The following FAM161A variants were observed in gnomAD, a reference collection of about 807,000 sequenced individuals.
FAM161A encodes the protein FAM161 centrosomal protein A.
A neutral mutation model predicts 70.9 loss-of-function variants in FAM161A; 57 were observed. That is an observed-to-expected ratio of 0.80 (90% CI 0.65 to 1.00). The LOEUF (loss-of-function observed/expected upper bound fraction) is 1.00. Among genes scored for constraint, FAM161A ranks in the 50% least tolerant of loss-of-function variants. FAM161A has a pLI of 0.00. For missense variants in FAM161A, 880 were observed against 836.0 expected, an observed-to-expected ratio of 1.05 and a Z score of -0.65; for synonymous variants, 299 against 295.7, an observed-to-expected ratio of 1.01 and a Z score of -0.12.
chr2:61,832,254 A>AC (rs1164775223), intron 5 of FAM161A, among the ~76,000 whole-genome samples: 2 of 151,564 alleles, frequency 1.3e-5, no homozygotes, highest in Admixed American at 6.6e-5. Context: ...CACACACAAA[A>AC]AAAAACCAAC....
the FAM161A span, among the ~76,000 whole-genome samples, chr2:61,805,371 C>T: frequency 1.3e-5 from 2 of 152,218 alleles, no homozygotes; most frequent in African/African-American, 4.8e-5. Context: ...CAAAATTTAG[C>T]CGGGCTTGGT....
At chr2:61,820,277 A>G, downstream of FAM161A, 1 of 690,914 alleles carries the variant, frequency 1.4e-6, no homozygotes, top group East Asian at 2.6e-5. Flanking sequence ...GAAACGACTG[A>G]TGAGAGGCTG....
Position 61,825,639 on chromosome 2 carries a change from C to CA in FAM161A, c.*815_*816insT. 2.5e-6 allele frequency: 1 copy of CA among 400,378 alleles called. No homozygotes were observed. The highest frequency in any genetic ancestry group is 4.8e-6 in the Non-Finnish European group (1 of 208,912). 24.8% of individuals were successfully genotyped at this position (400,378 alleles called of 1,614,324 possible). On this transcript the variant is annotated 3_prime_UTR_variant, in exon 7 of 7. Coordinates refer to ENST00000404929, the MANE Select transcript of FAM161A (RefSeq NM_001201543.2). ...TTGCAAGTATCCATTTTTTTCTATA[C>CA]TTTTTTTTTTTTTTTGGAGACGGAG...
At chr2:61,830,619 G>A (rs1361919603) in intron 5 of FAM161A, among the ~76,000 whole-genome samples, 1 of 146,980 alleles carries the variant, frequency 6.8e-6, no homozygotes, top group Non-Finnish European at 1.5e-5. Context: ...AGGAGGCAGA[G>A]GTTGCAGTGA....
rs528451151 is a variant in FAM161A at position 61,853,885 on chromosome 2, TCTC to T, written c.154_156del (p.Glu52del). 6.5e-5 allele frequency: 105 copies of T among 1,613,914 alleles called. No individual in the cohort carries two copies. The African/African-American group carries it at 1.3e-3, about 20-fold the overall frequency. The stretch of plus-strand genomic sequence containing the variant: ...GATGCCCCAGCGGGCTGAGCCACTT[TCTC>T]CTCCTCTTCGTCCTCCAAGATCGCC... On this transcript the variant is annotated inframe_deletion, in exon 1 of 7. Coordinates refer to ENST00000404929, the MANE Select transcript of FAM161A (RefSeq NM_001201543.2).
rs1382874045 is a variant in FAM161A, at chr2:61,839,992, G to A, written c.1012C>T (p.Arg338Trp). ...IAREEQKRAA[R>W]EKQLRDFLKY... ...AGAAAGTCTCTCAGCTGCTTTTCCC[G>A]GGCTGCTCGCTTCTGTTCCTCCCTT... is the stretch of plus-strand genomic sequence containing the variant. Residue 338 changes from arginine to tryptophan, a missense_variant, in exon 3 of 7, where the codon CGG becomes TGG. Transcript: ENST00000404929. 2.5e-6 allele frequency: 4 copies of A among 1,613,890 alleles called. No homozygotes were observed. The highest frequency in any genetic ancestry group is 2.2e-5 in the East Asian group (1 of 44,892).
At chr2:61,817,307 A>T in the FAM161A span, among the ~76,000 whole-genome samples, 12 of 152,334 alleles carry the variant, frequency 7.9e-5, no homozygotes, top group African/African-American at 2.9e-4. Flanking sequence ...GAGAAACCTC[A>T]GACTGAAGAT....
At chr2:61,803,399 A>T in the FAM161A span, 3 of 696,260 alleles carry the variant, frequency 4.3e-6, no homozygotes, top group Non-Finnish European at 8.1e-6. Context: ...CAACAAAAGG[A>T]ATGCAAGAAC....
chr2:61,827,947 A>G (rs546161176), intron 5 of FAM161A, among the ~76,000 whole-genome samples: 2 of 152,356 alleles, frequency 1.3e-5, no homozygotes, highest in East Asian at 1.9e-4. Context: ...TCTCACAAAT[A>G]TAATACTGAG....
At chr2:61,823,150 T>C (rs1459768846), downstream of FAM161A, among the ~76,000 whole-genome samples, 2 of 150,802 alleles carry the variant, frequency 1.3e-5, no homozygotes, top group Non-Finnish European at 3.0e-5. Flanking sequence ...CTGGCCAAGA[T>C]GGTGAAATCC....
In FAM161A at chr2:61,826,346, C is replaced by G. The variant is rs1291019449; in HGVS notation, c.*109G>C. 6.6e-6 allele frequency: 8 copies of G among 1,203,290 alleles called. No individual in the cohort carries two copies. Among genetic ancestry groups the G allele is most frequent in the Non-Finnish European group, 9.7e-6 (8 of 827,070 alleles). The allele number at this position is 1,203,290 out of a possible 1,614,324, so 74.5% of individuals were successfully genotyped here. ...GGCTACAGATGACTTTGATCAACAG[C>G]CCTGCACATATCAGAAGCGTCCCCA... On this transcript the variant is annotated 3_prime_UTR_variant, in exon 7 of 7. Coordinates refer to ENST00000404929, the MANE Select transcript of FAM161A (RefSeq NM_001201543.2).
intron 1 of FAM161A, among the ~76,000 whole-genome samples, chr2:61,850,269 G>A (rs554030759): frequency 2.6e-5 from 4 of 151,922 alleles, no homozygotes; most frequent in South Asian, 2.1e-4. Flanking sequence ...GGTGGCACAC[G>A]CCTGTAATCC....
rs1444398709 is a variant in FAM161A at position 61,854,060 on chromosome 2, T to C, written c.-19A>G. The C allele has an allele frequency of 1.9e-6, 3 of 1,589,714 alleles. No homozygotes were observed. Among genetic ancestry groups the C allele is most frequent in the East Asian group, 4.6e-5 (2 of 43,602 alleles). On this transcript the variant is annotated 5_prime_UTR_variant, in exon 1 of 7. Transcript: ENST00000404929. Reference sequence around the variant, plus strand: ...TGGCCATCGCCCCGCCTCCGAGGCCTGAGCGCCTGCGCTGGCCCGGGACGG... The same window carrying C: ...TGGCCATCGCCCCGCCTCCGAGGCCCGAGCGCCTGCGCTGGCCCGGGACGG...
chr2:61,854,015 C>T lies in FAM161A; in HGVS notation c.27G>A (p.Lys9=), dbSNP rs2105111448. MATSHRVA[K]LVASSLQTPV... is the part of the protein sequence containing the mutation. ...GGGTCTGGAGACTGGAGGCCACCAG[C>T]TTCGCCACTCGGTGGGAGGTGGCCA... Residue 9 remains lysine, a synonymous_variant, in exon 1 of 7, where the codon AAG becomes AAA. Transcript: ENST00000404929. 6.2e-7 allele frequency: 1 copy of T among 1,612,038 alleles called. No individual in the cohort carries two copies. The highest frequency in any genetic ancestry group is 8.5e-7 in the Non-Finnish European group (1 of 1,179,204).
chr2:61,808,412 A>G, the FAM161A span, among the ~76,000 whole-genome samples: 1 of 151,922 alleles, frequency 6.6e-6, no homozygotes, highest in African/African-American at 2.4e-5. Flanking sequence ...AGCTGGGGCT[A>G]CAGGCGCCTG....
At chr2:61,831,536 TTTTCTGATA>T (rs769602523) in intron 5 of FAM161A, among the ~76,000 whole-genome samples, 6 of 152,174 alleles carry the variant, frequency 3.9e-5, no homozygotes, top group Admixed American at 2.0e-4. Flanking sequence ...TCTCAAGGGA[TTTTCTGATA>T]TTCAAAAAGC....
the FAM161A span, among the ~76,000 whole-genome samples, chr2:61,818,562 T>C: frequency 6.6e-6 from 1 of 152,108 alleles, no homozygotes; most frequent in African/African-American, 2.4e-5. Flanking sequence ...TGGCCAAATT[T>C]AGGACAATTT....
downstream of FAM161A, chr2:61,820,349 C>A (rs774829862): frequency 2.7e-6 from 2 of 751,512 alleles, no homozygotes; most frequent in Non-Finnish European, 4.9e-6. Context: ...GATCCCAACA[C>A]CAAGTGCTCC....
chr2:61,839,933 G>C lies in FAM161A; in HGVS notation c.1071C>G (p.Ala357=). Residue 357 remains alanine (A), a synonymous_variant, in exon 3 of 7, where the codon GCC becomes GCG. Transcript: ENST00000404929. The part of the protein sequence containing the change: ...KYKKKTNRFK[A]RPIPRSTYGS... ...CATAAGTAGATCGAGGAATGGGTCT[G>C]GCTTTAAATCGATTTGTTTTCTTTT... 6.2e-7 allele frequency: 1 copy of C among 1,614,212 alleles called. No individual in the cohort carries two copies. The highest frequency in any genetic ancestry group is 8.5e-7 in the Non-Finnish European group (1 of 1,180,042).
Sources: allele counts gnomAD v4.1 joint callset (sites outside exome capture counted in the v4.1 genomes callset), GRCh38; gene constraint gnomAD v4.1.1; transcripts MANE v1.5; gene names NCBI Gene and HGNC (gene_info 2026-07-23, HGNC 2026-07-21).